Variants in PTPRK observed in about 807,000 individuals in gnomAD.
PTPRK encodes protein tyrosine phosphatase receptor type K.
A neutral mutation model predicts 178.0 loss-of-function variants in PTPRK; 75 were observed. The observed-to-expected ratio is 0.42, with a 90% CI of 0.35 to 0.51. The LOEUF is 0.51. Among genes scored for constraint, PTPRK ranks in the 20% least tolerant of loss-of-function variants. The pLI, the probability that PTPRK is intolerant of heterozygous loss-of-function variation, is 0.02. For synonymous variants in PTPRK, 637 were observed against 620.6 expected (o/e 1.03, Z -0.39); for missense variants, 1,441 against 1,797.8 (o/e 0.80, Z 3.59).
At chr6:127,988,282 TATC>T (rs1445212897) in intron 21 of PTPRK, among the ~76,000 whole-genome samples, 1 of 150,686 alleles carries the variant, frequency 6.6e-6, no homozygotes, top group Non-Finnish European at 1.5e-5. Context: ...CTGATTCTGT[TATC>T]ATCATTATGC....
intron 7 of PTPRK, among the ~76,000 whole-genome samples, chr6:128,105,047 C>T (rs1234623531): frequency 6.6e-6 from 1 of 151,310 alleles, no homozygotes; most frequent in East Asian, 1.9e-4. Flanking sequence ...TTTATTGTTT[C>T]TTGATCTTTC....
chr6:128,374,739 A>G (rs1052873759), intron 2 of PTPRK, among the ~76,000 whole-genome samples: 1 of 152,134 alleles, frequency 6.6e-6, no homozygotes, highest in African/African-American at 2.4e-5. Flanking sequence ...TCTACTCTCC[A>G]CATCCCGCAC....
At chr6:128,013,209 C>T (rs1366969230) in intron 13 of PTPRK, among the ~76,000 whole-genome samples, 1 of 151,342 alleles carries the variant, frequency 6.6e-6, no homozygotes, top group Non-Finnish European at 1.5e-5. Flanking sequence ...TCTGGTCTCT[C>T]CTTTCCAGAT....
intron 14 of PTPRK, chr6:128,005,917 C>CT (rs890088564): frequency 5.8e-4 from 482 of 826,072 alleles, no homozygotes; most frequent in South Asian, 1.2e-3. Flanking sequence ...TCTGAAAAAA[C>CT]TTTTTTTTTG....
intron 7 of PTPRK, among the ~76,000 whole-genome samples, chr6:128,124,042 G>GTTT (rs113506773): frequency 7.3e-6 from 1 of 136,888 alleles, no homozygotes; most frequent in Non-Finnish European, 1.6e-5. Context: ...ATTAAAACTT[G>GTTT]TTTTTTTTTT....
chr6:128,426,155 C>T (rs984511791), intron 1 of PTPRK, among the ~76,000 whole-genome samples: 1 of 152,102 alleles, frequency 6.6e-6, no homozygotes, highest in Non-Finnish European at 1.5e-5. Context: ...TGATTTCTTC[C>T]CATAATTATT....
intron 7 of PTPRK, among the ~76,000 whole-genome samples, chr6:128,157,944 G>T (rs913905487): frequency 3.9e-5 from 6 of 151,914 alleles, no homozygotes; most frequent in Non-Finnish European, 8.8e-5. Flanking sequence ...AGTTTAATTA[G>T]ATCCCATTTG....
chr6:128,247,175 A>G (rs1000256708), intron 3 of PTPRK, among the ~76,000 whole-genome samples: 3 of 152,204 alleles, frequency 2.0e-5, no homozygotes, highest in Admixed American at 6.5e-5. Flanking sequence ...TATATGTGAA[A>G]TGATTAATTA....
At chr6:128,209,655 G>A (rs562455277) in intron 6 of PTPRK, among the ~76,000 whole-genome samples, 5 of 152,158 alleles carry the variant, frequency 3.3e-5, no homozygotes, top group African/African-American at 1.2e-4. Context: ...TCATGGTATT[G>A]GCTACAGAGA....
At chr6:128,501,425 C>T (rs1259877199) in intron 1 of PTPRK, among the ~76,000 whole-genome samples, 1 of 151,532 alleles carries the variant, frequency 6.6e-6, no homozygotes, top group Non-Finnish European at 1.5e-5. Flanking sequence ...ACACCCTTCC[C>T]ATTAAAAGGG....
chr6:128,328,973 T>C (rs2128324533), intron 2 of PTPRK, among the ~76,000 whole-genome samples: 1 of 152,168 alleles, frequency 6.6e-6, no homozygotes, highest in East Asian at 1.9e-4. Flanking sequence ...ATGTAACCTC[T>C]GGGAAATTCT....
intron 3 of PTPRK, among the ~76,000 whole-genome samples, chr6:128,290,485 G>A (rs1282777514): frequency 6.6e-6 from 1 of 151,942 alleles, no homozygotes; most frequent in Admixed American, 6.6e-5. Context: ...TCTTTCCCCA[G>A]TCCTACCGTG....
intron 13 of PTPRK, among the ~76,000 whole-genome samples, chr6:128,012,762 C>T (rs1394420522): frequency 6.6e-6 from 1 of 151,388 alleles, no homozygotes; most frequent in Non-Finnish European, 1.5e-5. Context: ...TTAAAACTAT[C>T]TTAATAGCTG....
chr6:128,315,673 GAAT>G (rs1827898382), intron 3 of PTPRK, among the ~76,000 whole-genome samples: 1 of 152,056 alleles, frequency 6.6e-6, no homozygotes. Context: ...ATTATGTAAT[GAAT>G]AATAAAATTG....
At chr6:128,030,110 G>C (rs963786792) in intron 13 of PTPRK, among the ~76,000 whole-genome samples, 3 of 151,226 alleles carry the variant, frequency 2.0e-5, no homozygotes, top group Non-Finnish European at 4.5e-5. Context: ...CCCCATGTCA[G>C]TTAGTCATCA....
chr6:128,056,203 T>C (rs1009877530), intron 13 of PTPRK, among the ~76,000 whole-genome samples: 2 of 151,910 alleles, frequency 1.3e-5, no homozygotes, highest in African/African-American at 4.8e-5. Flanking sequence ...TTTTCCAGCT[T>C]TTATTCAGCA....
At chr6:128,498,044 AAAACAAAAAC>A (rs999480859) in intron 1 of PTPRK, among the ~76,000 whole-genome samples, 74 of 152,320 alleles carry the variant, frequency 4.9e-4, no homozygotes, top group African/African-American at 1.6e-3. Flanking sequence ...GTTGTAAAAA[AAAACAAAAAC>A]AAAAGCAAAA....
chr6:128,171,206 C>T (rs1413964229), intron 7 of PTPRK, among the ~76,000 whole-genome samples: 1 of 152,002 alleles, frequency 6.6e-6, no homozygotes. Context: ...AAAGTCATTT[C>T]AGCCAGCATG....
At chr6:127,982,794 A>C in intron 24 of PTPRK, 37 bp downstream of exon 24, 1 of 1,564,354 alleles carries the variant, frequency 6.4e-7, no homozygotes, top group Admixed American at 1.8e-5. Context: ...AACAAATTGT[A>C]GTAAGTCACA....
Sources: allele counts gnomAD v4.1 joint callset (sites outside exome capture counted in the v4.1 genomes callset), GRCh38; gene constraint gnomAD v4.1.1; transcripts MANE v1.5; gene names NCBI Gene and HGNC (gene_info 2026-07-23, HGNC 2026-07-21).